KCNQ3: variants seen among roughly 807,000 people sequenced by gnomAD.
KCNQ3 encodes the protein potassium voltage-gated channel subfamily Q member 3, also known as potassium voltage-gated channel subfamily KQT member 3.
In KCNQ3, 30 loss-of-function variants were observed where a neutral mutation model predicts 92.5. The observed-to-expected ratio is 0.32, with a 90% confidence interval of 0.24 to 0.44. KCNQ3 has a LOEUF of 0.44. Ranked by LOEUF, KCNQ3 falls within the 20% of genes least tolerant of loss-of-function variation. The pLI is 1.00. For missense variants in KCNQ3, 913 were observed against 1,140.3 expected, an observed-to-expected ratio of 0.80 and a Z score of 2.87; for synonymous variants, 450 against 468.8, an observed-to-expected ratio of 0.96 and a Z score of 0.52.
At chr8:132,442,204 G>A (rs1821556362) in intron 1 of KCNQ3, among the ~76,000 whole-genome samples, 1 of 152,084 alleles carries the variant, frequency 6.6e-6, no homozygotes, top group East Asian at 1.9e-4. Flanking sequence ...TAACAAACTT[G>A]TGCTTGTACC....
At chr8:132,230,032 G>T (rs1384348796) in intron 1 of KCNQ3, among the ~76,000 whole-genome samples, 1 of 152,154 alleles carries the variant, frequency 6.6e-6, no homozygotes, top group African/African-American at 2.4e-5. Flanking sequence ...CTACTCTTAG[G>T]ATCTTCTGTC....
intron 12 of KCNQ3, 27 bp downstream of exon 12, chr8:132,137,858 C>T (rs568610518): frequency 1.9e-6 from 3 of 1,613,148 alleles, no homozygotes; most frequent in African/African-American, 1.3e-5. Context: ...GAGGGGAGCG[C>T]AGTCCCTCCA....
intron 1 of KCNQ3, among the ~76,000 whole-genome samples, chr8:132,384,180 C>T (rs1819833225): frequency 6.6e-6 from 1 of 152,168 alleles, no homozygotes; most frequent in Admixed American, 6.5e-5. Flanking sequence ...GCCATGCTCA[C>T]CCCACAACAC....
At chr8:132,411,851 C>T (rs987364871) in intron 1 of KCNQ3, among the ~76,000 whole-genome samples, 1 of 152,120 alleles carries the variant, frequency 6.6e-6, no homozygotes, top group Non-Finnish European at 1.5e-5. Flanking sequence ...GGGATGGAGC[C>T]CAGCTCCCAA....
At chr8:132,315,164 A>G (rs1468336217) in intron 1 of KCNQ3, among the ~76,000 whole-genome samples, 1 of 152,182 alleles carries the variant, frequency 6.6e-6, no homozygotes, top group Non-Finnish European at 1.5e-5. Flanking sequence ...AATTGAATAT[A>G]TTTAGGAGGC....
intron 1 of KCNQ3, among the ~76,000 whole-genome samples, chr8:132,316,330 T>C (rs2130623827): frequency 6.6e-6 from 1 of 152,282 alleles, no homozygotes; most frequent in African/African-American, 2.4e-5. Flanking sequence ...CACAAATTAC[T>C]CACCACCTCA....
chr8:132,143,614 T>C (rs1825364346), intron 9 of KCNQ3, among the ~76,000 whole-genome samples: 1 of 152,190 alleles, frequency 6.6e-6, no homozygotes, highest in African/African-American at 2.4e-5. Flanking sequence ...ATGATGACCA[T>C]AAGCCCATGC....
At chr8:132,271,203 C>T (rs1038818551) in intron 1 of KCNQ3, among the ~76,000 whole-genome samples, 4 of 152,216 alleles carry the variant, frequency 2.6e-5, no homozygotes, top group Admixed American at 2.6e-4. Flanking sequence ...AGCCATTGCT[C>T]CAGGACTTGG....
chr8:132,161,066 G>T (rs13261176), intron 9 of KCNQ3, among the ~76,000 whole-genome samples: 1 of 152,084 alleles, frequency 6.6e-6, no homozygotes, highest in Non-Finnish European at 1.5e-5. Context: ...TAAGAATTCA[G>T]CTGGGCTTAT....
chr8:132,387,901 G>A (rs76688550), intron 1 of KCNQ3, among the ~76,000 whole-genome samples: 1,923 of 151,720 alleles, frequency 0.013, 105 homozygotes, highest in Admixed American at 0.09. Context: ...AGCCATGATC[G>A]CCTCACTATA....
At chr8:132,441,503 G>A (rs911866784) in intron 1 of KCNQ3, among the ~76,000 whole-genome samples, 12 of 152,130 alleles carry the variant, frequency 7.9e-5, no homozygotes, top group Admixed American at 1.3e-4. Flanking sequence ...GCCGTGAGCC[G>A]AGATCGCACC....
intron 3 of KCNQ3, 47 bp from the exon 4 acceptor site, chr8:132,180,376 T>A: frequency 6.2e-7 from 1 of 1,605,314 alleles, no homozygotes; most frequent in South Asian, 1.1e-5. Context: ...GAAAGGAAGG[T>A]CATGCGAAAG....
chr8:132,368,282 T>C (rs1012502386), intron 1 of KCNQ3, among the ~76,000 whole-genome samples: 2 of 152,212 alleles, frequency 1.3e-5, no homozygotes, highest in Non-Finnish European at 2.9e-5. Flanking sequence ...CAACATGAAT[T>C]GAGGACCTCC....
chr8:132,311,449 A>T (rs565276452), intron 1 of KCNQ3, among the ~76,000 whole-genome samples: 1 of 152,326 alleles, frequency 6.6e-6, no homozygotes, highest in East Asian at 1.9e-4. Flanking sequence ...GTCCTTAAGG[A>T]ACAGAAAGGT....
chr8:132,212,359 TG>T (rs1813888525), intron 1 of KCNQ3, among the ~76,000 whole-genome samples: 1 of 152,134 alleles, frequency 6.6e-6, no homozygotes, highest in Admixed American at 6.5e-5. Flanking sequence ...TCCCCTCAAC[TG>T]TCCTTTTCTC....
intron 1 of KCNQ3, among the ~76,000 whole-genome samples, chr8:132,464,570 C>T (rs527419225): frequency 1.3e-5 from 2 of 152,334 alleles, no homozygotes; most frequent in South Asian, 4.1e-4. Context: ...GTATCACTTT[C>T]AGCAACTTTC....
At chr8:132,302,898 A>G (rs958354376) in intron 1 of KCNQ3, among the ~76,000 whole-genome samples, 2 of 152,214 alleles carry the variant, frequency 1.3e-5, no homozygotes, top group African/African-American at 4.8e-5. Context: ...TGGCTGTTTT[A>G]TAAGCTGCTC....
intron 1 of KCNQ3, among the ~76,000 whole-genome samples, chr8:132,384,701 G>T (rs1227294814): frequency 6.6e-6 from 1 of 152,196 alleles, no homozygotes; most frequent in East Asian, 1.9e-4. Context: ...GCCAGGAAAA[G>T]TAAGAGCAGG....
intron 1 of KCNQ3, among the ~76,000 whole-genome samples, chr8:132,418,085 C>G (rs1366786704): frequency 6.6e-6 from 1 of 152,148 alleles, no homozygotes; most frequent in Non-Finnish European, 1.5e-5. Flanking sequence ...GGACACGACA[C>G]TTAGCATGCT....
Sources: gnomAD v4.1 joint callset for allele counts (sites outside exome capture counted in the v4.1 genomes callset) on GRCh38, gnomAD v4.1.1 for gene constraint, MANE v1.5 for transcripts, NCBI Gene and HGNC (gene_info 2026-07-23, HGNC 2026-07-21) for gene names.